CSTPP1: variants seen among roughly 807,000 people sequenced by gnomAD.
CSTPP1 encodes the protein UPF0705 protein C11orf49.
At chr11:47,132,246 C>G in the CSTPP1 span, among the ~76,000 whole-genome samples, 2 of 152,178 alleles carry the variant, frequency 1.3e-5, no homozygotes, top group East Asian at 3.9e-4. Context: ...CACACAGTAA[C>G]CAGAACTTTT....
chr11:47,095,541 T>G, the CSTPP1 span, among the ~76,000 whole-genome samples: 1 of 152,154 alleles, frequency 6.6e-6, no homozygotes, highest in Non-Finnish European at 1.5e-5. Flanking sequence ...TAGCTTCCAA[T>G]TGAAGGAAAA....
At chr11:47,143,715 T>C in the CSTPP1 span, among the ~76,000 whole-genome samples, 1 of 152,222 alleles carries the variant, frequency 6.6e-6, no homozygotes, top group Non-Finnish European at 1.5e-5. Context: ...CTCCATGGAC[T>C]GGAAGCTTTC....
At chr11:47,088,001 C>T in the CSTPP1 span, among the ~76,000 whole-genome samples, 2 of 152,104 alleles carry the variant, frequency 1.3e-5, no homozygotes, top group South Asian at 2.1e-4. Context: ...ACATGATCCT[C>T]GTGATATGAG....
At chr11:47,053,240 GTT>G in the CSTPP1 span, among the ~76,000 whole-genome samples, 5 of 152,206 alleles carry the variant, frequency 3.3e-5, no homozygotes, top group Non-Finnish European at 7.3e-5. Context: ...GATGTCTAGA[GTT>G]TGTGTGGAGT....
chr11:47,041,246 G>A, the CSTPP1 span: 1 of 242,104 alleles, frequency 4.1e-6, no homozygotes, highest in South Asian at 3.8e-5. Flanking sequence ...TGATGATGAT[G>A]TTGTATGTGT....
the CSTPP1 span, among the ~76,000 whole-genome samples, chr11:46,954,463 C>T: frequency 1.4e-4 from 21 of 151,980 alleles, no homozygotes; most frequent in African/African-American, 4.8e-4. Flanking sequence ...GCAGGAGAAT[C>T]GCTTGAACCC....
At chr11:46,997,023 A>G in the CSTPP1 span, among the ~76,000 whole-genome samples, 2 of 151,952 alleles carry the variant, frequency 1.3e-5, no homozygotes, top group Admixed American at 1.3e-4. Context: ...GAATCTGACA[A>G]TTTTGTGTCT....
chr11:47,050,093 G>T, the CSTPP1 span, among the ~76,000 whole-genome samples: 1 of 151,816 alleles, frequency 6.6e-6, no homozygotes, highest in African/African-American at 2.4e-5. Flanking sequence ...GACCTAGAAG[G>T]GTTATTAAAG....
At chr11:47,113,889 T>C in the CSTPP1 span, among the ~76,000 whole-genome samples, 2 of 152,238 alleles carry the variant, frequency 1.3e-5, no homozygotes, top group Admixed American at 6.5e-5. Context: ...TTGTTGCCAT[T>C]GCTTTTGGTG....
chr11:46,998,121 C>T, the CSTPP1 span, among the ~76,000 whole-genome samples: 1 of 152,222 alleles, frequency 6.6e-6, no homozygotes, highest in African/African-American at 2.4e-5. Flanking sequence ...CCGTCTTCTG[C>T]GTCGCTCACG....
the CSTPP1 span, among the ~76,000 whole-genome samples, chr11:47,134,032 C>A: frequency 6.6e-6 from 1 of 152,108 alleles, no homozygotes. Context: ...GAAGACAGGT[C>A]CCCTTCCTCT....
the CSTPP1 span, chr11:47,162,081 G>GGACAT: frequency 1.0e-6 from 1 of 988,442 alleles, no homozygotes; most frequent in South Asian, 4.7e-5. Context: ...AGTACCAGGA[G>GGACAT]GACATAACCG....
the CSTPP1 span, among the ~76,000 whole-genome samples, chr11:46,943,304 T>C: frequency 3.3e-5 from 5 of 152,356 alleles, no homozygotes; most frequent in South Asian, 1.0e-3. Context: ...ATGAGGAAAC[T>C]ACACACAAAG....
chr11:47,013,006 T>TA, the CSTPP1 span, among the ~76,000 whole-genome samples: 88,751 of 145,980 alleles, frequency 0.61, 27,558 homozygotes, highest in Middle Eastern at 0.7. Context: ...TATATATATA[T>TA]TTTATTATAT....
At chr11:47,162,209 A>T in the CSTPP1 span, 1 of 985,388 alleles carries the variant, frequency 1.0e-6, no homozygotes, top group Non-Finnish European at 1.2e-6. Flanking sequence ...TAGCTAAACA[A>T]ACATGTGAAA....
At chr11:47,145,636 T>C in the CSTPP1 span, among the ~76,000 whole-genome samples, 1 of 151,922 alleles carries the variant, frequency 6.6e-6, no homozygotes, top group East Asian at 1.9e-4. Flanking sequence ...ATTTAAAAAA[T>C]GTTATTATTT....
chr11:46,955,696 A>G, the CSTPP1 span, among the ~76,000 whole-genome samples: 2 of 151,976 alleles, frequency 1.3e-5, no homozygotes, highest in African/African-American at 4.8e-5. Flanking sequence ...GCATGAATAC[A>G]TGAAGAAATG....
the CSTPP1 span, among the ~76,000 whole-genome samples, chr11:46,964,866 C>A: frequency 6.6e-6 from 1 of 151,216 alleles, no homozygotes; most frequent in Non-Finnish European, 1.5e-5. Context: ...CATGGGAGAT[C>A]AGTCCCAAAT....
the CSTPP1 span, among the ~76,000 whole-genome samples, chr11:47,122,397 G>A: frequency 1.3e-5 from 2 of 151,672 alleles, no homozygotes; most frequent in Admixed American, 1.3e-4. Context: ...GGGGAAGAAA[G>A]AGCCACTGAG....
Sources: allele counts gnomAD v4.1 joint callset (sites outside exome capture counted in the v4.1 genomes callset), GRCh38; gene constraint gnomAD v4.1.1; transcripts MANE v1.5; gene names NCBI Gene and HGNC (gene_info 2026-07-23, HGNC 2026-07-21).